The following RARS1 variants were observed in gnomAD, a reference collection of about 807,000 sequenced individuals.
The protein encoded by RARS1 is arginine--tRNA ligase, cytoplasmic.
Under a neutral mutation model 78.7 loss-of-function variants are expected in RARS1, and 75 were observed. The ratio of observed to expected loss-of-function variants is 0.95; its 90% CI spans 0.79 to 1.15. The LOEUF (loss-of-function observed/expected upper bound fraction) is 1.15, where lower values mean the gene tolerates loss of function less well. Ranked by LOEUF, RARS1 falls within the 50% of genes most tolerant of loss-of-function variation. RARS1 has a pLI of 0.00. For missense variants in RARS1, 787 were observed against 787.5 expected (o/e 1.00, Z 0.01); for synonymous variants, 273 against 268.2 (o/e 1.02, Z -0.18).
chr5:168,494,043 A>C, intron 4 of RARS1, 41 bp downstream of exon 4: 1 of 1,497,754 alleles, frequency 6.7e-7, no homozygotes, highest in Non-Finnish European at 9.2e-7. Flanking sequence ...TGTATTGAAC[A>C]TGAGTCCTTT....
chr5:168,515,039 T>C (rs930433407), intron 12 of RARS1, among the ~76,000 whole-genome samples: 2 of 152,198 alleles, frequency 1.3e-5, no homozygotes, highest in East Asian at 1.9e-4. Context: ...AGAGTTCTTA[T>C]CAGTTCATAT....
At chr5:168,500,550 C>A (rs1448576993) in intron 7 of RARS1, 41 bp from the exon 8 acceptor site, 7 of 1,398,524 alleles carry the variant, frequency 5.0e-6, no homozygotes, top group African/African-American at 4.5e-5. Flanking sequence ...AGGATTAGAT[C>A]TTTTTACACA....
rs762606144 is a variant in RARS1, at chr5:168,493,893, G to A, written c.370-1G>A. On this transcript the variant is annotated splice_acceptor_variant, in intron 3 of 14. Coordinates refer to ENST00000231572, the MANE Select transcript of RARS1 (RefSeq NM_002887.4). LOFTEE classifies it high-confidence loss of function. The stretch of plus-strand genomic sequence containing the variant: ...ATGAATCATTTTATATTGTGTTGTA[G>A]ATGCTCAAAACCAAGGAACAGAAAG... 6.2e-7 allele frequency: 1 copy of A among 1,603,308 alleles called. No homozygotes were observed.
intron 4 of RARS1, 123 bp from the exon 5 acceptor site, chr5:168,494,427 A>G: frequency 6.7e-7 from 1 of 1,497,714 alleles, no homozygotes; most frequent in Non-Finnish European, 8.8e-7. Flanking sequence ...TCAAGGCCAC[A>G]ACTGGTATTG....
At chr5:168,487,804 C>G (rs1484526275) in intron 1 of RARS1, among the ~76,000 whole-genome samples, 1 of 152,162 alleles carries the variant, frequency 6.6e-6, no homozygotes, top group African/African-American at 2.4e-5. Flanking sequence ...ACTACAAAGC[C>G]TGGTCTGGTC....
At position 168,490,837 on chromosome 5, in the gene RARS1, T is replaced by A. The variant is rs527367439; in HGVS notation, c.181-1822T>A. 1.4e-4 allele frequency among the ~76,000 whole-genome samples: 22 copies of A among 152,184 alleles called. No homozygotes were observed. The South Asian group carries it at 4.4e-3, about 30-fold the overall frequency. ...ATGTACATGGTGGTACTCCTATCCT[T>A]TAAAAATAAAAAATTGAGGTTGGGC... On this transcript the variant is annotated intron_variant, in intron 2 of 14. Coordinates refer to ENST00000231572, the MANE Select transcript of RARS1 (RefSeq NM_002887.4).
At chr5:168,518,089 T>G (rs536921048) in intron 14 of RARS1, 27 bp downstream of exon 14, 4 of 1,430,986 alleles carry the variant, frequency 2.8e-6, no homozygotes, top group Non-Finnish European at 3.6e-6. Flanking sequence ...TTTTTTTTTT[T>G]TTTTTTAGTG....
chr5:168,517,047 G>C (rs1758680083), intron 13 of RARS1, 97 bp downstream of exon 13: 7 of 1,301,302 alleles, frequency 5.4e-6, no homozygotes, highest in Middle Eastern at 2.6e-4. Context: ...ATGAGACGGG[G>C]TCTTGGGCTC....
intron 7 of RARS1, 52 bp from the exon 8 acceptor site, chr5:168,500,539 C>T (rs1758296029): frequency 7.4e-7 from 1 of 1,357,268 alleles, no homozygotes; most frequent in Non-Finnish European, 9.5e-7. Flanking sequence ...TCTAGAAATA[C>T]AGGATTAGAT....
At position 168,516,853 on chromosome 5, in the gene RARS1, C is replaced by T; in HGVS notation, c.1528C>T (p.His510Tyr). 6.2e-7 allele frequency: 1 copy of T among 1,614,088 alleles called. No homozygotes were observed. Among genetic ancestry groups the T allele is most frequent in the Non-Finnish European group, 8.5e-7 (1 of 1,179,970 alleles). Residue 510 changes from histidine (H) to tyrosine (Y), a missense_variant, in exon 13 of 15, where the codon CAT becomes TAT. Transcript: ENST00000231572. ...YGCIKYADLS[H>Y]NRLNDYIFSF... ...CTGCATCAAATATGCTGACCTTTCC[C>T]ATAACCGGTTGAATGACTACATCTT...
intron 4 of RARS1, 118 bp from the exon 5 acceptor site, chr5:168,494,432 G>T: frequency 2.0e-6 from 3 of 1,506,964 alleles, no homozygotes; most frequent in Non-Finnish European, 2.6e-6. Flanking sequence ...GCCACAACTG[G>T]TATTGGAATC....
At chr5:168,506,239 T>TAG (rs1561825070) in intron 10 of RARS1, 40 bp downstream of exon 10, 9 of 1,453,728 alleles carry the variant, frequency 6.2e-6, no homozygotes, top group Non-Finnish European at 8.4e-6. Context: ...ATTGACTGAT[T>TAG]AGAGGTAAGA....
At position 168,506,202 on chromosome 5, in the gene RARS1, G is replaced by T; in HGVS notation, c.1236+3G>T. On this transcript the variant is annotated splice_donor_region_variant and intron_variant, in intron 10 of 14. Transcript: ENST00000231572. Reference sequence around the variant, plus strand: ...TCTATGTTGTGGACAATGGACAAGTGAGTTTGTAAATTTGTATGTGTTTTA... The same window carrying T: ...TCTATGTTGTGGACAATGGACAAGTTAGTTTGTAAATTTGTATGTGTTTTA... The T allele has an allele frequency of 3.2e-6, 5 of 1,550,968 alleles. No homozygotes were observed. Among genetic ancestry groups the T allele is most frequent in the Non-Finnish European group, 4.4e-6 (5 of 1,143,966 alleles).
chr5:168,495,546 G>C (rs1175977136), intron 6 of RARS1, 110 bp downstream of exon 6: 1 of 1,443,620 alleles, frequency 6.9e-7, no homozygotes, highest in Non-Finnish European at 9.2e-7. Flanking sequence ...TAAATCAGTG[G>C]TTCATCAGCT....
At chr5:168,495,219 G>T in intron 5 of RARS1, 96 bp from the exon 6 acceptor site, 3 of 1,467,836 alleles carry the variant, frequency 2.0e-6, no homozygotes, top group Non-Finnish European at 1.8e-6. Context: ...ATTAATGAAT[G>T]CATTGGAACA....
chr5:168,510,610 C>T lies in RARS1; in HGVS notation c.1376C>T (p.Thr459Ile). Residue 459 changes from threonine to isoleucine, a missense_variant, in exon 12 of 15, where the codon ACA (threonine) becomes ATA (isoleucine). Physicochemically the swap from Thr to Ile is moderately conservative, Grantham distance 89. Coordinates refer to ENST00000231572, the MANE Select transcript of RARS1 (RefSeq NM_002887.4). ...KKKFKTRSGE[T>I]VRLMDLLGEG... ...AAGTTTAAAACACGTTCGGGTGAAA[C>T]AGTGCGCCTCATGGATCTTCTGGGA... 1 of 1,610,318 alleles carries T rather than the reference C, an allele frequency of 6.2e-7. No individual in the cohort carries two copies. Among genetic ancestry groups the T allele is most frequent in the Non-Finnish European group, 8.5e-7 (1 of 1,179,070 alleles).
intron 2 of RARS1, among the ~76,000 whole-genome samples, chr5:168,490,224 A>G (rs1407307383): frequency 6.6e-6 from 1 of 152,186 alleles, no homozygotes; most frequent in South Asian, 2.1e-4. Context: ...TTTCCATAGA[A>G]TCTTCCCAAA....
intron 11 of RARS1, among the ~76,000 whole-genome samples, chr5:168,509,014 G>A (rs10516047): frequency 0.13 from 19,826 of 151,858 alleles, 1,728 homozygotes; most frequent in Non-Finnish European, 0.19. Context: ...TAAAGCTCTC[G>A]GTATTCAGAT....
chr5:168,486,824 G>C (rs1272684446), intron 1 of RARS1, among the ~76,000 whole-genome samples: 1 of 152,110 alleles, frequency 6.6e-6, no homozygotes, highest in East Asian at 1.9e-4. Context: ...GGCATGTTCA[G>C]AACAGTTCTC....
Sources: allele counts gnomAD v4.1 joint callset (sites outside exome capture counted in the v4.1 genomes callset), GRCh38; gene constraint gnomAD v4.1.1; transcripts MANE v1.5; gene names NCBI Gene and HGNC (gene_info 2026-07-23, HGNC 2026-07-21).